Variants in BCAS3 observed in about 807,000 individuals in gnomAD.
BCAS3 encodes the protein BCAS3 microtubule associated cell migration factor, also known as BCAS4/BCAS3 fusion.
Under a neutral mutation model 116.1 loss-of-function variants are expected in BCAS3, and 53 were observed. The observed-to-expected ratio is 0.46, with a 90% CI of 0.37 to 0.57. BCAS3 has a LOEUF of 0.57. BCAS3 is among the 20% of genes least tolerant of loss of function. The pLI, the probability that BCAS3 is intolerant of heterozygous loss-of-function variation, is 0.00. For missense variants in BCAS3, 917 were observed against 1,165.4 expected, an observed-to-expected ratio of 0.79 and a Z score of 3.10; for synonymous variants, 391 against 408.2, an observed-to-expected ratio of 0.96 and a Z score of 0.51.
chr17:60,763,334 G>T (rs965517372), intron 6 of BCAS3, among the ~76,000 whole-genome samples: 1 of 152,180 alleles, frequency 6.6e-6, no homozygotes, highest in African/African-American at 2.4e-5. Context: ...CTGTGGGTTT[G>T]TCTTAAATGG....
rs1192238480 is a variant in BCAS3 at position 61,286,423 on chromosome 17, G to T, written c.2426-81904G>T. ...AGAGGCCTCTGGTTATTGGGAGGCT[G>T]GTAAATGGCCAGCAGGATAGAAATC... On this transcript the variant is annotated intron_variant, in intron 22 of 23. Coordinates refer to ENST00000407086, the MANE Select transcript of BCAS3 (RefSeq NM_017679.5). The surrounding 1 kb of genome is among the most constrained non-coding windows in gnomAD (Gnocchi z 4.8). 6.6e-6 allele frequency among the ~76,000 whole-genome samples: 1 copy of T among 152,184 alleles called. No homozygotes were observed. The highest frequency in any genetic ancestry group is 1.5e-5 in the Non-Finnish European group (1 of 68,028).
intron 6 of BCAS3, among the ~76,000 whole-genome samples, chr17:60,766,380 G>GGATGTCCTTTTTGTTGATGTT (rs1297830818): frequency 2.0e-5 from 3 of 152,254 alleles, no homozygotes; most frequent in East Asian, 3.9e-4. Context: ...GTTTTGATGT[G>GGATGTCCTTTTTGTTGATGTT]GATGTCCTTT....
At chr17:61,167,416 A>G (rs1432059353) in intron 22 of BCAS3, among the ~76,000 whole-genome samples, 1 of 152,250 alleles carries the variant, frequency 6.6e-6, no homozygotes, top group African/African-American at 2.4e-5. Context: ...ATTCAAATTC[A>G]CATCTTTTGA....
chr17:61,025,527 G>A (rs2066177941), intron 16 of BCAS3, among the ~76,000 whole-genome samples: 1 of 151,952 alleles, frequency 6.6e-6, no homozygotes, highest in Admixed American at 6.6e-5. Flanking sequence ...TATTGTTTCT[G>A]TCTTGTTTGT....
At chr17:60,937,815 T>A (rs2060013394) in intron 13 of BCAS3, among the ~76,000 whole-genome samples, 1 of 152,198 alleles carries the variant, frequency 6.6e-6, no homozygotes, top group African/African-American at 2.4e-5. Context: ...ATTATGCACT[T>A]CCAGCAATTA....
chr17:61,075,116 A>C (rs1427107339), intron 20 of BCAS3, 96 bp downstream of exon 20: 9 of 904,940 alleles, frequency 9.9e-6, no homozygotes, highest in African/African-American at 1.7e-5. Context: ...AGAATTGGTA[A>C]CTCTTTATTG....
intron 6 of BCAS3, among the ~76,000 whole-genome samples, chr17:60,800,044 T>G (rs1269649756): frequency 6.6e-6 from 1 of 152,210 alleles, no homozygotes; most frequent in Non-Finnish European, 1.5e-5. Context: ...TAACATTTGT[T>G]CACAAGTTTT....
At chr17:60,989,077 A>T (rs2063358394) in intron 14 of BCAS3, among the ~76,000 whole-genome samples, 1 of 151,860 alleles carries the variant, frequency 6.6e-6, no homozygotes, top group Admixed American at 6.6e-5. Context: ...TTTCATGTTA[A>T]GTTTCATTCA....
chr17:60,727,532 C>A, intron 5 of BCAS3: 1 of 1,305,286 alleles, frequency 7.7e-7, no homozygotes, highest in Non-Finnish European at 1.0e-6. Context: ...GAAATGGCAT[C>A]TGAGACTCTC....
In BCAS3 at chr17:61,141,815, C is replaced by T. The variant is rs576892039; in HGVS notation, c.2425+57251C>T. Among the ~76,000 whole-genome samples the T allele has an allele frequency of 1.9e-4, 28 of 150,282 alleles. No homozygotes were observed. Among genetic ancestry groups the T allele is most frequent in the South Asian group, 4.3e-4 (2 of 4,690 alleles). On this transcript the variant is annotated intron_variant, in intron 22 of 23. Coordinates refer to ENST00000407086, the MANE Select transcript of BCAS3 (RefSeq NM_017679.5). This position sits in a 1 kb window ranked among gnomAD's most constrained non-coding sequence, Gnocchi z 4.3. ...ACTCAGGAGGCTGAGGCAGGAGAAT[C>T]GCTTGAACCCAGGAGGCGGAGGTTG...
intron 22 of BCAS3, among the ~76,000 whole-genome samples, chr17:61,287,358 G>A (rs2051921138): frequency 6.6e-6 from 1 of 152,080 alleles, no homozygotes; most frequent in South Asian, 2.1e-4. Flanking sequence ...GGGCTGTCTT[G>A]GGGAAAATTG....
chr17:60,863,739 A>G (rs2054356992), intron 7 of BCAS3, among the ~76,000 whole-genome samples: 1 of 152,186 alleles, frequency 6.6e-6, no homozygotes, highest in South Asian at 2.1e-4. Context: ...TGTATCTAAA[A>G]CAAAAACAAA....
chr17:61,170,325 C>T (rs2078765530), intron 22 of BCAS3, among the ~76,000 whole-genome samples: 3 of 151,830 alleles, frequency 2.0e-5, no homozygotes, highest in Non-Finnish European at 2.9e-5. Context: ...CGGAGTCTCG[C>T]TCTGTCGCCC....
intron 7 of BCAS3, chr17:60,811,225 C>A (rs1469911359): frequency 2.3e-5 from 19 of 812,492 alleles, no homozygotes; most frequent in African/African-American, 3.4e-5. Context: ...CTGGCACAGA[C>A]CCTGCAGAGG....
At chr17:61,271,067 C>A (rs983673675) in intron 22 of BCAS3, among the ~76,000 whole-genome samples, 3 of 145,476 alleles carry the variant, frequency 2.1e-5, no homozygotes, top group Non-Finnish European at 4.5e-5. Flanking sequence ...ATATTTAGGT[C>A]TTTAACACAT....
At chr17:61,107,842 G>A (rs561587124) in intron 22 of BCAS3, among the ~76,000 whole-genome samples, 1 of 152,284 alleles carries the variant, frequency 6.6e-6, no homozygotes, top group South Asian at 2.1e-4. Flanking sequence ...TTTTCATGTA[G>A]ATAAAAGAAG....
At chr17:60,873,282 A>G (rs1178924502) in intron 8 of BCAS3, among the ~76,000 whole-genome samples, 4 of 152,166 alleles carry the variant, frequency 2.6e-5, no homozygotes, top group Non-Finnish European at 5.9e-5. Flanking sequence ...GCAAGGATCT[A>G]ACAGTAGTCA....
At chr17:60,799,520 G>GTTTTTTTTTTTTTTTTTTTTTTTT (rs200098763) in intron 6 of BCAS3, among the ~76,000 whole-genome samples, 1 of 117,644 alleles carries the variant, frequency 8.5e-6, no homozygotes, top group African/African-American at 3.7e-5. Context: ...TGAGATTAGT[G>GTTTTTTTTTTTTTTTTTTTTTTTT]TTTGTTTTTT....
intron 22 of BCAS3, among the ~76,000 whole-genome samples, chr17:61,119,193 C>T (rs545696695): frequency 2.0e-5 from 3 of 152,084 alleles, no homozygotes; most frequent in East Asian, 3.9e-4. Flanking sequence ...TTTTCTAATC[C>T]CCTCTCAGAG....
Sources: gnomAD v4.1 joint callset for allele counts (sites outside exome capture counted in the v4.1 genomes callset) on GRCh38, gnomAD v4.1.1 for gene constraint, Gnocchi (gnomAD v3.1) non-coding constraint, MANE v1.5 for transcripts, NCBI Gene and HGNC (gene_info 2026-07-23, HGNC 2026-07-21) for gene names.